Variants in ADAM18 observed in about 807,000 individuals in gnomAD.
The protein encoded by ADAM18 is ADAM metallopeptidase domain 18, also known as disintegrin and metalloproteinase domain-containing protein 18.
In ADAM18, 117 loss-of-function variants were observed where a neutral mutation model predicts 94.4. The ratio of observed to expected loss-of-function variants is 1.24; its 90% CI spans 1.07 to 1.45. The LOEUF is 1.45. Among genes scored for constraint, ADAM18 ranks in the 40% most tolerant of loss-of-function variants. ADAM18 has a pLI of 0.00. For missense variants in ADAM18, 936 were observed against 880.0 expected (o/e 1.06, Z -0.81); for synonymous variants, 327 against 291.6 (o/e 1.12, Z -1.24).
At chr8:39,728,229 A>G (rs1822976054) in intron 19 of ADAM18, among the ~76,000 whole-genome samples, 1 of 152,180 alleles carries the variant, frequency 6.6e-6, no homozygotes, top group Non-Finnish European at 1.5e-5. Context: ...ATCCAGCATG[A>G]GATTTGGGCA....
chr8:39,697,596 T>C (rs1461639669), intron 17 of ADAM18, among the ~76,000 whole-genome samples: 1 of 151,802 alleles, frequency 6.6e-6, no homozygotes, highest in African/African-American at 2.4e-5. Context: ...TTATTTATTC[T>C]TGCTTAATCA....
rs1338608413 is a variant in ADAM18, at chr8:39,665,815, C to T, written c.1326+1925C>T. ...TCTTATAATAGAACATGATCATATA[C>T]CATAAAAACAAAATATGTTTTTACT... On this transcript the variant is annotated intron_variant, in intron 13 of 19. Coordinates refer to ENST00000265707, the MANE Select transcript of ADAM18 (RefSeq NM_014237.3). 3.3e-5 allele frequency among the ~76,000 whole-genome samples: 5 copies of T among 151,956 alleles called. No individual in the cohort carries two copies. In the East Asian group the frequency reaches 9.6e-4, roughly 29 times the overall value.
At chr8:39,710,843 A>T (rs901883904) in intron 18 of ADAM18, among the ~76,000 whole-genome samples, 5 of 152,218 alleles carry the variant, frequency 3.3e-5, no homozygotes, top group Admixed American at 2.6e-4. Context: ...TTTAACAAGG[A>T]AATTCAAAAT....
At position 39,606,191 on chromosome 8, in the gene ADAM18, T is replaced by A. The variant is rs1267548585; in HGVS notation, c.133-116T>A. 4.9e-6 allele frequency: 3 copies of A among 609,290 alleles called. No individual in the cohort carries two copies. In the African/African-American group the frequency reaches 5.8e-5, roughly 12 times the overall value. The allele number at this position is 609,290 out of a possible 1,614,324, so 37.7% of individuals were successfully genotyped here. A position where few individuals can be genotyped will look rare whatever the true frequency, so the allele number is the denominator to read the frequency against. On this transcript the variant is annotated intron_variant, in intron 2 of 19. Coordinates refer to ENST00000265707, the MANE Select transcript of ADAM18 (RefSeq NM_014237.3). ...TCTTACTATTTAGAATAATAAATTCTAAAGATTATGTTCATTTTTAATAGA... is the reference window on the plus strand; with the variant it reads ...TCTTACTATTTAGAATAATAAATTCAAAAGATTATGTTCATTTTTAATAGA...
intron 1 of ADAM18, 149 bp from the exon 2 acceptor site, chr8:39,585,127 T>C (rs1235772204): frequency 3.2e-6 from 2 of 618,282 alleles, no homozygotes; most frequent in Non-Finnish European, 5.8e-6. Context: ...GTAGTGAAAT[T>C]TGTGGACTAG....
Position 39,692,661 on chromosome 8 carries a change from C to A in ADAM18, c.1883C>A (p.Thr628Lys), listed in dbSNP as rs183758075. The A allele has an allele frequency of 5.0e-6, 8 of 1,603,422 alleles. No individual in the cohort carries two copies. The highest frequency in any genetic ancestry group is 6.8e-6 in the Non-Finnish European group (8 of 1,173,886). Reference sequence around the variant, plus strand: ...ATGGGATATAACTGTAATGCCACCACAAAATGCAAAGGGAAAGGGGTAAGT... The same window carrying A: ...ATGGGATATAACTGTAATGCCACCAAAAAATGCAAAGGGAAAGGGGTAAGT... The part of the protein sequence containing the change: ...HLMGYNCNAT[T>K]KCKGKGICNN... The change falls in exon 17 of 20, where the codon ACA (threonine) becomes AAA (lysine). Residue 628 changes from threonine (T) to lysine (K), a missense_variant. Transcript: ENST00000265707.
At chr8:39,622,352 A>G (rs541032606) in intron 6 of ADAM18, among the ~76,000 whole-genome samples, 2 of 150,544 alleles carry the variant, frequency 1.3e-5, no homozygotes, top group East Asian at 1.9e-4. Context: ...GAAAGATTCC[A>G]TTGAAAATGT....
At chr8:39,631,128 T>A (rs1029587821) in intron 7 of ADAM18, among the ~76,000 whole-genome samples, 2 of 151,960 alleles carry the variant, frequency 1.3e-5, no homozygotes, top group African/African-American at 4.8e-5. Context: ...GATAGCTGTA[T>A]TAAGGCTATT....
At chr8:39,657,428 C>T (rs1820718429) in intron 12 of ADAM18, among the ~76,000 whole-genome samples, 1 of 152,132 alleles carries the variant, frequency 6.6e-6, no homozygotes, top group African/African-American at 2.4e-5. Context: ...TCTCCTGCCT[C>T]AGCCTCCCGA....
rs1354446626 is a variant in ADAM18, at chr8:39,606,309, G to T, written c.135G>T (p.Met45Ile). The T allele has an allele frequency of 6.5e-7, 1 of 1,527,278 alleles. No individual in the cohort carries two copies. The highest frequency in any genetic ancestry group is 2.0e-5 in the Admixed American group (1 of 50,368). The allele number at this position is 1,527,278 out of a possible 1,614,324, so 94.6% of individuals were successfully genotyped here. ...TTTACTGATGTGTTTTATTTTAGAT[G>T]ATTTACATCATTACAATTGATGGAC... Reference protein sequence around the residue: ...SNDSEVSERKMIYIITIDGQP... With the variant: ...SNDSEVSERKIIYIITIDGQP... Residue 45 changes from methionine to isoleucine, a missense_variant and splice_region_variant, in exon 3 of 20, where the codon ATG (methionine) becomes ATT (isoleucine). Transcript: ENST00000265707.
intron 7 of ADAM18, 128 bp downstream of exon 7, chr8:39,629,567 C>T (rs987764243): frequency 3.4e-6 from 2 of 592,674 alleles, no homozygotes; most frequent in Non-Finnish European, 5.7e-6. Context: ...CCATTGTCTC[C>T]TTATTTTCTC....
chr8:39,609,623 T>G, intron 5 of ADAM18, 62 bp downstream of exon 5: 2 of 1,158,956 alleles, frequency 1.7e-6, no homozygotes, highest in Non-Finnish European at 2.5e-6. Context: ...AAAACAAAAC[T>G]TAGTGACTAG....
At chr8:39,697,303 T>A (rs974369185) in intron 17 of ADAM18, among the ~76,000 whole-genome samples, 4 of 151,672 alleles carry the variant, frequency 2.6e-5, no homozygotes, top group Admixed American at 1.3e-4. Context: ...GACTACATTA[T>A]CTGCAAATAT....
chr8:39,643,103 G>A (rs180684446), intron 10 of ADAM18, among the ~76,000 whole-genome samples: 2 of 152,140 alleles, frequency 1.3e-5, no homozygotes, highest in East Asian at 3.9e-4. Context: ...TTGGTGTATA[G>A]GAATACCAGT....
At chr8:39,713,296 G>T (rs2129581526) in intron 18 of ADAM18, among the ~76,000 whole-genome samples, 1 of 152,196 alleles carries the variant, frequency 6.6e-6, no homozygotes, top group East Asian at 1.9e-4. Context: ...AATTCAAAAT[G>T]GATTAAATAC....
chr8:39,670,104 A>G (rs1428391076), intron 14 of ADAM18, among the ~76,000 whole-genome samples: 1 of 152,078 alleles, frequency 6.6e-6, no homozygotes, highest in Non-Finnish European at 1.5e-5. Flanking sequence ...TTGGCTGCAT[A>G]AATGTCTTCT....
At chr8:39,657,951 A>G (rs1820733300) in intron 12 of ADAM18, among the ~76,000 whole-genome samples, 2 of 152,276 alleles carry the variant, frequency 1.3e-5, no homozygotes, top group South Asian at 4.1e-4. Context: ...AAAAGGTTAT[A>G]TTTTCCTATT....
At chr8:39,641,528 C>T (rs1289353341) in intron 10 of ADAM18, among the ~76,000 whole-genome samples, 1 of 151,942 alleles carries the variant, frequency 6.6e-6, no homozygotes, top group East Asian at 1.9e-4. Context: ...TGTGTTGTTC[C>T]ATGTGTCTAG....
chr8:39,609,892 G>A (rs180707913), intron 5 of ADAM18, among the ~76,000 whole-genome samples: 10 of 152,126 alleles, frequency 6.6e-5, no homozygotes, highest in Admixed American at 6.6e-4. Flanking sequence ...AAATATAATA[G>A]GAAAATATAG....
Sources: gnomAD v4.1 joint callset for allele counts (sites outside exome capture counted in the v4.1 genomes callset) on GRCh38, gnomAD v4.1.1 for gene constraint, MANE v1.5 for transcripts, NCBI Gene and HGNC (gene_info 2026-07-23, HGNC 2026-07-21) for gene names.